LRP1B: variants seen among roughly 807,000 people sequenced by gnomAD.
LRP1B encodes the protein LDL receptor related protein 1B.
A neutral mutation model predicts 556.6 loss-of-function variants in LRP1B; 217 were observed. That is an observed-to-expected ratio of 0.39 (90% confidence interval 0.35 to 0.44). The LOEUF (loss-of-function observed/expected upper bound fraction) is 0.44, where lower values mean the gene tolerates loss of function less well. LRP1B is among the 20% of genes least tolerant of loss of function. LRP1B has a pLI of 1.00. For missense variants in LRP1B, 5,053 were observed against 5,620.8 expected (o/e 0.90, Z 3.23); for synonymous variants, 2,047 against 1,865.8 (o/e 1.10, Z -2.50).
intron 3 of LRP1B, among the ~76,000 whole-genome samples, chr2:141,403,733 T>C (rs931983205): frequency 6.6e-6 from 1 of 152,186 alleles, no homozygotes; most frequent in Non-Finnish European, 1.5e-5. Flanking sequence ...AAAACATATT[T>C]TAAGTATGAA....
At chr2:141,180,347 TAA>T (rs3063854) in intron 7 of LRP1B, among the ~76,000 whole-genome samples, 2,223 of 147,186 alleles carry the variant, frequency 0.015, 22 homozygotes, top group Middle Eastern at 0.042. Context: ...TAGAACTCCA[TAA>T]AAAAAAAAAC....
intron 1 of LRP1B, among the ~76,000 whole-genome samples, chr2:142,063,118 C>T (rs1704983211): frequency 1.3e-5 from 2 of 149,540 alleles, no homozygotes; most frequent in Non-Finnish European, 3.0e-5. Context: ...CTAAAAAATC[C>T]ATTTATTGAG....
At chr2:140,667,894 C>T (rs1473894545) in intron 41 of LRP1B, among the ~76,000 whole-genome samples, 1 of 152,154 alleles carries the variant, frequency 6.6e-6, no homozygotes, top group Admixed American at 6.5e-5. Flanking sequence ...ATACTGTGTT[C>T]TTTTGGGGGT....
intron 55 of LRP1B, among the ~76,000 whole-genome samples, chr2:140,497,057 A>G (rs1005561343): frequency 1.3e-5 from 2 of 151,888 alleles, no homozygotes; most frequent in Non-Finnish European, 2.9e-5. Flanking sequence ...AGTACAAGAA[A>G]CATTTTCAAT....
chr2:141,919,122 T>A (rs1700112884), intron 1 of LRP1B, among the ~76,000 whole-genome samples: 1 of 152,112 alleles, frequency 6.6e-6, no homozygotes, highest in Admixed American at 6.6e-5. Flanking sequence ...ATAATTAAAA[T>A]AGAATCAAGT....
chr2:141,788,143 G>A (rs1470595474), intron 2 of LRP1B, among the ~76,000 whole-genome samples: 1 of 151,874 alleles, frequency 6.6e-6, no homozygotes, highest in African/African-American at 2.4e-5. Context: ...TATGTGACAG[G>A]CCCATATTTA....
At chr2:140,405,600 A>G (rs1362261689) in intron 66 of LRP1B, among the ~76,000 whole-genome samples, 1 of 152,188 alleles carries the variant, frequency 6.6e-6, no homozygotes, top group African/African-American at 2.4e-5. Flanking sequence ...GAAAATCTAG[A>G]GGAAATGCAT....
intron 3 of LRP1B, among the ~76,000 whole-genome samples, chr2:141,432,548 A>C (rs560905584): frequency 6.6e-6 from 1 of 152,154 alleles, no homozygotes; most frequent in African/African-American, 2.4e-5. Context: ...ATTAACCTTG[A>C]AGCTATCTGG....
intron 2 of LRP1B, among the ~76,000 whole-genome samples, chr2:141,637,026 A>T (rs1366019885): frequency 6.6e-6 from 1 of 152,148 alleles, no homozygotes; most frequent in Non-Finnish European, 1.5e-5. Context: ...GTTTTGTATA[A>T]TTCTGCACTG....
chr2:140,657,587 A>ATATATC (rs1684928808), intron 41 of LRP1B, among the ~76,000 whole-genome samples: 1 of 42,676 alleles, frequency 2.3e-5, no homozygotes, highest in Admixed American at 2.7e-4. Flanking sequence ...ATATATATAC[A>ATATATC]TACATACATA....
intron 11 of LRP1B, among the ~76,000 whole-genome samples, chr2:141,025,576 C>A (rs886423031): frequency 2.0e-5 from 3 of 152,018 alleles, no homozygotes; most frequent in African/African-American, 7.2e-5. Context: ...AGATTGGGAT[C>A]CCCTGAGAAG....
intron 6 of LRP1B, 117 bp from the exon 7 acceptor site, chr2:141,188,700 T>C: frequency 1.2e-6 from 1 of 836,862 alleles, no homozygotes; most frequent in Non-Finnish European, 1.8e-6. Flanking sequence ...ATAGACATTT[T>C]TATGAAAAGA....
intron 35 of LRP1B, among the ~76,000 whole-genome samples, chr2:140,754,643 T>A (rs2104902445): frequency 6.6e-6 from 1 of 151,982 alleles, no homozygotes; most frequent in Non-Finnish European, 1.5e-5. Context: ...ATGAAGACTC[T>A]ATATATCAAA....
chr2:141,036,076 T>A (rs1046520647), intron 11 of LRP1B, among the ~76,000 whole-genome samples: 19 of 151,854 alleles, frequency 1.3e-4, no homozygotes, highest in African/African-American at 4.1e-4. Context: ...ATCTACAAGA[T>A]CACAAATTTA....
chr2:140,614,112 G>T (rs2105232955), intron 41 of LRP1B, among the ~76,000 whole-genome samples: 1 of 152,076 alleles, frequency 6.6e-6, no homozygotes, highest in South Asian at 2.1e-4. Flanking sequence ...TTACTTTCCA[G>T]ACTTCAGAGA....
chr2:140,847,961 C>T (rs1406409894), intron 29 of LRP1B, among the ~76,000 whole-genome samples: 5 of 151,860 alleles, frequency 3.3e-5, no homozygotes, highest in Admixed American at 6.6e-5. Flanking sequence ...ATAAACTCAC[C>T]AAATTACTAC....
chr2:141,401,802 C>T (rs1559050588), intron 3 of LRP1B, among the ~76,000 whole-genome samples: 3 of 152,278 alleles, frequency 2.0e-5, no homozygotes, highest in Non-Finnish European at 1.5e-5. Context: ...ATACCTGGCA[C>T]TACCATATGT....
chr2:140,850,157 T>C lies in LRP1B; in HGVS notation c.4884A>G (p.Gln1628=). 1.2e-6 allele frequency: 2 copies of C among 1,613,830 alleles called. No individual in the cohort carries two copies. Among genetic ancestry groups the C allele is most frequent in the Non-Finnish European group, 1.7e-6 (2 of 1,179,844 alleles). The change falls in exon 29 of 91, where the codon CAA becomes CAG. Residue 1628 remains glutamine (Q), a synonymous_variant. Coordinates refer to ENST00000389484, the MANE Select transcript of LRP1B (RefSeq NM_018557.3). ...ERLYWTDIKT[Q]TIKRAFINGT... is the part of the protein sequence containing the mutation. ...CGTTAATAAAAGCTCGTTTAATGGT[T>C]TGTGTTTTAATATCTGTCCAGTATA...
chr2:141,048,934 T>C, intron 11 of LRP1B, 52 bp downstream of exon 11: 1 of 1,362,082 alleles, frequency 7.3e-7, no homozygotes, highest in Non-Finnish European at 1.1e-6. Context: ...TTTATCCTTT[T>C]AAAGTGCTTC....
Sources: allele counts gnomAD v4.1 joint callset (sites outside exome capture counted in the v4.1 genomes callset), GRCh38; gene constraint gnomAD v4.1.1; transcripts MANE v1.5; gene names NCBI Gene and HGNC (gene_info 2026-07-23, HGNC 2026-07-21).